The following MYO3A variants were observed in gnomAD, a reference collection of about 807,000 sequenced individuals.
The protein encoded by MYO3A is myosin IIIA, also known as myosin-IIIa.
Under a neutral mutation model 192.7 loss-of-function variants are expected in MYO3A, and 180 were observed. The ratio of observed to expected loss-of-function variants is 0.93; its 90% CI spans 0.83 to 1.06. The LOEUF (loss-of-function observed/expected upper bound fraction) is 1.06, where lower values mean the gene tolerates loss of function less well. Ranked by LOEUF, MYO3A falls within the 50% of genes least tolerant of loss-of-function variation. The probability of loss-of-function intolerance (pLI) is 0.00; values close to 1 mark genes in which losing one functional copy is unlikely to be tolerated. For synonymous variants in MYO3A, 628 were observed against 645.3 expected, an observed-to-expected ratio of 0.97 and a Z score of 0.41; for missense variants, 1,896 against 1,905.0, an observed-to-expected ratio of 1.00 and a Z score of 0.09.
chr10:26,086,174 A>G (rs1481579186), intron 14 of MYO3A, among the ~76,000 whole-genome samples: 1 of 152,138 alleles, frequency 6.6e-6, no homozygotes, highest in Non-Finnish European at 1.5e-5. Flanking sequence ...AAAACTTACA[A>G]TCGTGGGCAG....
At chr10:26,077,052 T>G (rs560788929) in intron 14 of MYO3A, among the ~76,000 whole-genome samples, 8 of 151,960 alleles carry the variant, frequency 5.3e-5, no homozygotes, top group Admixed American at 1.3e-4. Flanking sequence ...GGTATTTTAA[T>G]GGGGATTTCA....
At chr10:26,072,070 C>G (rs59075175) in intron 14 of MYO3A, among the ~76,000 whole-genome samples, 72,074 of 151,796 alleles carry the variant, frequency 0.47, 17,910 homozygotes, top group Middle Eastern at 0.58. Flanking sequence ...GGAGAGAGAA[C>G]AGTGAGAGAA....
chr10:26,199,497 G>A (rs1194507289), intron 32 of MYO3A, among the ~76,000 whole-genome samples: 1 of 152,156 alleles, frequency 6.6e-6, no homozygotes, highest in Admixed American at 6.5e-5. Flanking sequence ...TTGAGCTCAG[G>A]AGGCAGAAGT....
chr10:26,053,265 T>C (rs987970314), intron 10 of MYO3A, among the ~76,000 whole-genome samples: 5 of 152,212 alleles, frequency 3.3e-5, no homozygotes, highest in Non-Finnish European at 7.3e-5. Flanking sequence ...ATTTAATTTG[T>C]TTATAACCAG....
chr10:26,041,759 G>C (rs1475024309), intron 10 of MYO3A, among the ~76,000 whole-genome samples: 1 of 151,850 alleles, frequency 6.6e-6, no homozygotes, highest in Non-Finnish European at 1.5e-5. Context: ...TTAACTTTTT[G>C]TTGTTTCTGT....
chr10:26,026,923 A>G (rs867735615), intron 10 of MYO3A, among the ~76,000 whole-genome samples: 3 of 152,106 alleles, frequency 2.0e-5, no homozygotes, highest in Non-Finnish European at 2.9e-5. Flanking sequence ...GATGGTCTCG[A>G]TCTCCTGACC....
At chr10:26,193,180 T>C (rs1444722516) in intron 31 of MYO3A, 25 bp from the exon 32 acceptor site, 2 of 1,507,306 alleles carry the variant, frequency 1.3e-6, no homozygotes, top group Non-Finnish European at 1.8e-6. Context: ...AATTAAATAC[T>C]TGTTTATGAT....
At chr10:26,207,716 C>G (rs1844037244) in intron 34 of MYO3A, among the ~76,000 whole-genome samples, 1 of 150,558 alleles carries the variant, frequency 6.6e-6, no homozygotes, top group South Asian at 2.1e-4. Context: ...TGATGTCTCC[C>G]TGCTTTCTTC....
At chr10:26,150,174 T>A (rs1840715961) in intron 23 of MYO3A, among the ~76,000 whole-genome samples, 1 of 152,186 alleles carries the variant, frequency 6.6e-6, no homozygotes, top group African/African-American at 2.4e-5. Context: ...TTTTTAATCA[T>A]TCCTGGGAAA....
chr10:26,006,269 A>G (rs1841200258), intron 6 of MYO3A, among the ~76,000 whole-genome samples: 1 of 152,296 alleles, frequency 6.6e-6, no homozygotes, highest in African/African-American at 2.4e-5. Context: ...AATGCCCACA[A>G]GAGAAAGCAG....
chr10:26,009,568 C>T (rs1342953322), intron 6 of MYO3A, among the ~76,000 whole-genome samples: 1 of 151,996 alleles, frequency 6.6e-6, no homozygotes, highest in African/African-American at 2.4e-5. Context: ...TGCGGGTGTG[C>T]AGAGCAACCT....
chr10:26,206,468 A>G (rs1843955293), intron 34 of MYO3A, among the ~76,000 whole-genome samples: 1 of 149,838 alleles, frequency 6.7e-6, no homozygotes, highest in Non-Finnish European at 1.5e-5. Flanking sequence ...TTTATTTTTG[A>G]GACATAGTCT....
intron 17 of MYO3A, among the ~76,000 whole-genome samples, chr10:26,101,492 C>CTT (rs1837448578): frequency 6.6e-5 from 10 of 152,194 alleles, no homozygotes; most frequent in Non-Finnish European, 1.5e-4. Flanking sequence ...TTCCTAGCGT[C>CTT]GATGGTCTTT....
Position 25,997,176 on chromosome 10 carries a change from T to A in MYO3A, c.426T>A (p.His142Gln). ...HEALMGLQHL[H>Q]NNKTIHRDVK... ...TCTTCTAGGGACTTCAACATTTGCA[T>A]AACAACAAAACTATCCACAGAGATG... is the stretch of plus-strand genomic sequence containing the variant. Residue 142 changes from histidine (H) to glutamine (Q), a missense_variant, in exon 6 of 35, where the codon CAT (histidine) becomes CAA (glutamine). Transcript: ENST00000642920. 1 of 1,613,226 alleles carries A rather than the reference T, an allele frequency of 6.2e-7. No homozygotes were observed. Among genetic ancestry groups the A allele is most frequent in the Non-Finnish European group, 8.5e-7 (1 of 1,179,340 alleles).
At chr10:26,067,199 C>A in intron 11 of MYO3A, 125 bp downstream of exon 11, 1 of 675,534 alleles carries the variant, frequency 1.5e-6, no homozygotes. Context: ...TCTTAACACT[C>A]ACTCTGCCCA....
At chr10:25,956,092 G>A (rs1212928857) in intron 4 of MYO3A, among the ~76,000 whole-genome samples, 1 of 152,102 alleles carries the variant, frequency 6.6e-6, no homozygotes, top group African/African-American at 2.4e-5. Flanking sequence ...ATGGCAGAAG[G>A]CAGAAGGCAA....
intron 20 of MYO3A, among the ~76,000 whole-genome samples, chr10:26,136,788 T>G (rs1478443923): frequency 8.5e-5 from 13 of 152,126 alleles, no homozygotes; most frequent in Admixed American, 8.5e-4. Context: ...GAGGCCAAGG[T>G]CAGCAGGATC....
rs1315588726 is a variant in MYO3A at position 26,096,556 on chromosome 10, TA to T, written c.1662-11del. 1 of 1,594,028 alleles carries T rather than the reference TA, an allele frequency of 6.3e-7. No individual in the cohort carries two copies. The highest frequency in any genetic ancestry group is 8.6e-7 in the Non-Finnish European group (1 of 1,162,092). On this transcript the variant is annotated splice_polypyrimidine_tract_variant and intron_variant, in intron 16 of 34. Coordinates refer to ENST00000642920, the MANE Select transcript of MYO3A (RefSeq NM_017433.5). ...TTTTAGACTTTTATCCTTCCTTTTA[TA>T]TTTTTTTTAGGTACCTACAAAATGA... is the stretch of plus-strand genomic sequence containing the variant.
intron 6 of MYO3A, among the ~76,000 whole-genome samples, chr10:26,015,010 C>T (rs1358969408): frequency 1.1e-4 from 17 of 152,032 alleles, no homozygotes; most frequent in Admixed American, 1.1e-3. Context: ...AGCACTTATG[C>T]GATAGGGAAT....
Sources: gnomAD v4.1 joint callset for allele counts (sites outside exome capture counted in the v4.1 genomes callset) on GRCh38, gnomAD v4.1.1 for gene constraint, MANE v1.5 for transcripts, NCBI Gene and HGNC (gene_info 2026-07-23, HGNC 2026-07-21) for gene names.